Variants in NELL1 observed in about 807,000 individuals in gnomAD.
The protein encoded by NELL1 is protein kinase C-binding protein NELL1.
A neutral mutation model predicts 107.4 loss-of-function variants in NELL1; 76 were observed. That is an observed-to-expected ratio of 0.71 (90% CI 0.59 to 0.86). The LOEUF is 0.86. NELL1 is among the 40% of genes least tolerant of loss of function. NELL1 has a pLI of 0.00. For missense variants in NELL1, 1,024 were observed against 1,005.5 expected (o/e 1.02, Z -0.25); for synonymous variants, 353 against 341.2 (o/e 1.03, Z -0.38).
chr11:21,569,455 TATG>T (rs147067365), intron 17 of NELL1, among the ~76,000 whole-genome samples: 42,002 of 149,278 alleles, frequency 0.28, 6,020 homozygotes, highest in Middle Eastern at 0.36. Context: ...CATGGTAGAA[TATG>T]ATGATGATGA....
intron 15 of NELL1, among the ~76,000 whole-genome samples, chr11:21,396,665 A>G (rs577763632): frequency 2.6e-5 from 4 of 151,768 alleles, no homozygotes; most frequent in Admixed American, 1.3e-4. Flanking sequence ...TAAACTCTGT[A>G]TGAGAGGTTT....
At chr11:20,937,997 T>C (rs1378205112) in intron 10 of NELL1, 138 bp downstream of exon 10, 1 of 729,618 alleles carries the variant, frequency 1.4e-6, no homozygotes, top group African/African-American at 1.8e-5. Context: ...GTGGGTTGGA[T>C]TACATGATGG....
intron 3 of NELL1, among the ~76,000 whole-genome samples, chr11:20,791,630 T>A (rs1439903412): frequency 6.6e-6 from 1 of 152,110 alleles, no homozygotes; most frequent in East Asian, 1.9e-4. Context: ...TGAGCAGATA[T>A]CTTTGTATTG....
At chr11:20,873,931 CTTTTTT>C (rs1849253493) in intron 4 of NELL1, among the ~76,000 whole-genome samples, 1 of 151,958 alleles carries the variant, frequency 6.6e-6, no homozygotes, top group Admixed American at 6.6e-5. Flanking sequence ...GCCCAGCTAA[CTTTTTT>C]ATTTTTTGTA....
At chr11:21,079,508 G>A (rs1052761639) in intron 12 of NELL1, among the ~76,000 whole-genome samples, 1 of 151,956 alleles carries the variant, frequency 6.6e-6, no homozygotes, top group African/African-American at 2.4e-5. Context: ...TGTAAACCAG[G>A]AATTATTTGG....
chr11:21,158,639 C>T (rs1438739205), intron 13 of NELL1, among the ~76,000 whole-genome samples: 4 of 152,142 alleles, frequency 2.6e-5, no homozygotes, highest in Non-Finnish European at 5.9e-5. Context: ...CCTACTGTAG[C>T]ATAGTTTTTG....
At chr11:21,423,470 A>T (rs889897224) in intron 15 of NELL1, among the ~76,000 whole-genome samples, 2 of 152,164 alleles carry the variant, frequency 1.3e-5, no homozygotes, top group African/African-American at 4.8e-5. Flanking sequence ...ATAAAAAACA[A>T]AAATAAATAA....
chr11:20,915,519 G>T (rs1461950525), intron 5 of NELL1, among the ~76,000 whole-genome samples: 1 of 151,150 alleles, frequency 6.6e-6, no homozygotes, highest in Non-Finnish European at 1.5e-5. Flanking sequence ...CTGAAAAAAG[G>T]AGATCAAATG....
intron 2 of NELL1, among the ~76,000 whole-genome samples, chr11:20,754,725 G>A (rs377279792): frequency 6.6e-6 from 1 of 152,060 alleles, no homozygotes; most frequent in Non-Finnish European, 1.5e-5. Flanking sequence ...AGGAAATTTG[G>A]CTGCCTTATA....
chr11:20,888,490 A>G (rs958037922), intron 5 of NELL1, among the ~76,000 whole-genome samples: 5 of 151,580 alleles, frequency 3.3e-5, no homozygotes, highest in African/African-American at 1.2e-4. Context: ...ATGTCTATAT[A>G]TGCATATATA....
intron 13 of NELL1, among the ~76,000 whole-genome samples, chr11:21,165,885 C>G (rs1056128331): frequency 1.3e-5 from 2 of 150,700 alleles, no homozygotes; most frequent in East Asian, 3.9e-4. Context: ...GCCTCAGCCT[C>G]CCGAGTAGCT....
At chr11:20,728,286 G>A (rs1302007269) in intron 2 of NELL1, among the ~76,000 whole-genome samples, 2 of 152,032 alleles carry the variant, frequency 1.3e-5, no homozygotes, top group Non-Finnish European at 2.9e-5. Context: ...AGTTTCTTTT[G>A]CTGTGCAGAA....
At chr11:20,706,185 A>G (rs574616857) in intron 2 of NELL1, among the ~76,000 whole-genome samples, 2 of 152,304 alleles carry the variant, frequency 1.3e-5, no homozygotes, top group East Asian at 3.9e-4. Context: ...CCAAAGGACT[A>G]TAAATCATGC....
intron 15 of NELL1, among the ~76,000 whole-genome samples, chr11:21,478,877 C>A (rs1220058972): frequency 6.7e-6 from 1 of 149,674 alleles, no homozygotes; most frequent in African/African-American, 2.5e-5. Flanking sequence ...TAAAAATGGC[C>A]AAAAGATCTG....
At chr11:20,820,103 T>C (rs1176085214) in intron 3 of NELL1, among the ~76,000 whole-genome samples, 1 of 152,222 alleles carries the variant, frequency 6.6e-6, no homozygotes, top group African/African-American at 2.4e-5. Context: ...ACAGGAATGT[T>C]AAGCAGCATT....
chr11:20,817,450 G>T (rs1282821947), intron 3 of NELL1, among the ~76,000 whole-genome samples: 2 of 152,164 alleles, frequency 1.3e-5, no homozygotes, highest in East Asian at 3.9e-4. Context: ...AGTCTCTGAG[G>T]ATCTTTTGTA....
At chr11:20,848,710 A>G (rs1047878143) in intron 4 of NELL1, among the ~76,000 whole-genome samples, 3 of 152,172 alleles carry the variant, frequency 2.0e-5, no homozygotes, top group Non-Finnish European at 4.4e-5. Context: ...AAAACCATCA[A>G]GAGGAGAGAT....
intron 12 of NELL1, among the ~76,000 whole-genome samples, chr11:21,093,197 C>A (rs1854560686): frequency 6.6e-6 from 1 of 152,136 alleles, no homozygotes; most frequent in Admixed American, 6.5e-5. Flanking sequence ...AGTCAGCTTT[C>A]ATGAGCCTGT....
At chr11:20,803,163 G>C (rs1857313338) in intron 3 of NELL1, among the ~76,000 whole-genome samples, 1 of 151,944 alleles carries the variant, frequency 6.6e-6, no homozygotes, top group African/African-American at 2.4e-5. Context: ...TAAAATGTTT[G>C]GCAAAATTCA....
Sources: allele counts gnomAD v4.1 joint callset (sites outside exome capture counted in the v4.1 genomes callset), GRCh38; gene constraint gnomAD v4.1.1; transcripts MANE v1.5; gene names NCBI Gene and HGNC (gene_info 2026-07-23, HGNC 2026-07-21).